GPC6: variants seen among roughly 807,000 people sequenced by gnomAD.
GPC6 encodes glypican-6.
GPC6 carries 14 observed loss-of-function variants against 55.2 expected under a neutral mutation model. The observed-to-expected ratio is 0.25, with a 90% CI of 0.17 to 0.40. GPC6 has a LOEUF of 0.40. GPC6 is among the 10% of genes least tolerant of loss of function. The pLI, the probability that GPC6 is intolerant of heterozygous loss-of-function variation, is 1.00. For missense variants in GPC6, 641 were observed against 708.5 expected (o/e 0.90, Z 1.08); for synonymous variants, 278 against 259.6 (o/e 1.07, Z -0.68).
chr13:94,062,624 G>A (rs944685571), intron 4 of GPC6, among the ~76,000 whole-genome samples: 1 of 152,022 alleles, frequency 6.6e-6, no homozygotes, highest in Admixed American at 6.6e-5. Flanking sequence ...TATTTAGCTT[G>A]ATTTTTAAAT....
At chr13:94,362,198 T>TA (rs1281824171) in intron 6 of GPC6, among the ~76,000 whole-genome samples, 3 of 152,168 alleles carry the variant, frequency 2.0e-5, no homozygotes, top group Non-Finnish European at 2.9e-5. Flanking sequence ...GAGTTTAACT[T>TA]AGAGTAAAAG....
chr13:94,233,059 G>C (rs1206490484), intron 4 of GPC6, among the ~76,000 whole-genome samples: 1 of 144,030 alleles, frequency 6.9e-6, no homozygotes, highest in Non-Finnish European at 1.5e-5. Context: ...AGGTCAGACT[G>C]GCTTAATTTG....
At chr13:94,303,349 T>C (rs1374651984) in intron 5 of GPC6, among the ~76,000 whole-genome samples, 1 of 152,202 alleles carries the variant, frequency 6.6e-6, no homozygotes, top group Non-Finnish European at 1.5e-5. Context: ...CTTTACTACC[T>C]GATCGGGTGT....
At position 93,355,533 on chromosome 13, in the gene GPC6, C is replaced by T. The variant is rs193165259; in HGVS notation, c.160+127917C>T. On this transcript the variant is annotated intron_variant, in intron 1 of 8. Coordinates refer to ENST00000377047, the MANE Select transcript of GPC6 (RefSeq NM_005708.5). ...TGTTTGCATCAAATGAGCAGATGAACTCCCATGGAGAGATCCACAATAGAA... is the reference window on the plus strand; with the variant it reads ...TGTTTGCATCAAATGAGCAGATGAATTCCCATGGAGAGATCCACAATAGAA... Among the ~76,000 whole-genome samples the T allele has an allele frequency of 5.3e-5, 8 of 152,252 alleles. No homozygotes were observed. The South Asian group carries it at 1.0e-3, about 20-fold the overall frequency.
intron 3 of GPC6, among the ~76,000 whole-genome samples, chr13:93,919,707 G>A (rs923343108): frequency 3.3e-5 from 5 of 152,128 alleles, no homozygotes; most frequent in South Asian, 2.1e-4. Context: ...AGCATAAACC[G>A]AAAATGCTGA....
rs115900495 is a variant in GPC6, at chr13:93,849,611, T to C, written c.711+19066T>C. 2.9e-3 allele frequency among the ~76,000 whole-genome samples: 444 copies of C among 152,258 alleles called. 5 individuals are homozygous for C. The highest frequency in any genetic ancestry group is 1.0e-2 in the African/African-American group (415 of 41,572). ...TCTATACTGTCCACCTATACATAGA[T>C]AAAGATATCTATACTGTTTCCATAG... On this transcript the variant is annotated intron_variant, in intron 3 of 8. Coordinates refer to ENST00000377047, the MANE Select transcript of GPC6 (RefSeq NM_005708.5).
intron 4 of GPC6, among the ~76,000 whole-genome samples, chr13:94,138,472 T>C (rs536023778): frequency 1.3e-5 from 2 of 152,332 alleles, no homozygotes; most frequent in South Asian, 4.1e-4. Flanking sequence ...TCTTATCATG[T>C]TCCAGGAAAG....
intron 8 of GPC6, among the ~76,000 whole-genome samples, chr13:94,401,664 G>GT (rs1260238323): frequency 6.6e-6 from 1 of 152,178 alleles, no homozygotes; most frequent in Non-Finnish European, 1.5e-5. Context: ...ATGTGAACGG[G>GT]TAGTTGGATT....
intron 1 of GPC6, among the ~76,000 whole-genome samples, chr13:93,311,460 A>G (rs1416628040): frequency 2.6e-5 from 4 of 152,242 alleles, no homozygotes; most frequent in South Asian, 2.1e-4. Context: ...GACATAGGAC[A>G]TTATGCCTCT....
rs546076271 is a variant in GPC6, at chr13:94,083,237, C to G, written c.877+55343C>G. Reference sequence around the variant, plus strand: ...TGGTACTTGCCATTCTCCTGCCTCACCCTCCTGAGTAGCTGGGACTACAGG... The same window carrying G: ...TGGTACTTGCCATTCTCCTGCCTCAGCCTCCTGAGTAGCTGGGACTACAGG... On this transcript the variant is annotated intron_variant, in intron 4 of 8. Transcript: ENST00000377047. 1.9e-3 allele frequency among the ~76,000 whole-genome samples: 289 copies of G among 152,102 alleles called. 1 individual carries two copies. The highest frequency in any genetic ancestry group is 5.9e-3 in the African/African-American group (244 of 41,494).
chr13:93,849,875 G>A (rs550525656), intron 3 of GPC6, among the ~76,000 whole-genome samples: 23 of 152,082 alleles, frequency 1.5e-4, no homozygotes, highest in African/African-American at 4.3e-4. Flanking sequence ...CATTTTTACC[G>A]TGAATTATTA....
chr13:93,895,619 A>G (rs1027784656), intron 3 of GPC6, among the ~76,000 whole-genome samples: 5 of 152,012 alleles, frequency 3.3e-5, no homozygotes, highest in African/African-American at 1.2e-4. Flanking sequence ...AATATTTTCC[A>G]GTGTTGTTTA....
chr13:93,391,809 T>C (rs876808), intron 1 of GPC6, among the ~76,000 whole-genome samples: 20,202 of 152,126 alleles, frequency 0.13, 2,036 homozygotes, highest in East Asian at 0.48. Context: ...CTACATTCAC[T>C]CTGGCAGATG....
At chr13:94,305,773 G>A (rs1222785129) in intron 5 of GPC6, among the ~76,000 whole-genome samples, 2 of 152,150 alleles carry the variant, frequency 1.3e-5, no homozygotes, top group East Asian at 1.9e-4. Flanking sequence ...CTATGAGTCA[G>A]GGATTATAGT....
chr13:94,225,082 T>A (rs894804578), intron 4 of GPC6, among the ~76,000 whole-genome samples: 27 of 152,198 alleles, frequency 1.8e-4, no homozygotes, highest in South Asian at 1.0e-3. Flanking sequence ...CAACTTTAAT[T>A]TTTCAGTCAG....
chr13:93,421,678 A>G (rs1246441560), intron 1 of GPC6, among the ~76,000 whole-genome samples: 1 of 152,186 alleles, frequency 6.6e-6, no homozygotes, highest in Non-Finnish European at 1.5e-5. Flanking sequence ...AGTTTGCACC[A>G]CTTAACATCC....
intron 1 of GPC6, among the ~76,000 whole-genome samples, chr13:93,530,056 A>G (rs1231247177): frequency 6.6e-6 from 1 of 152,182 alleles, no homozygotes; most frequent in African/African-American, 2.4e-5. Flanking sequence ...TAAACAAGAC[A>G]CAGTTCGTAA....
chr13:93,700,263 A>G (rs1407422841), intron 2 of GPC6, among the ~76,000 whole-genome samples: 2 of 152,070 alleles, frequency 1.3e-5, no homozygotes, highest in East Asian at 3.9e-4. Flanking sequence ...GCTCACTATG[A>G]CTGCATCACT....
At chr13:93,478,369 G>A (rs1391882359) in intron 1 of GPC6, among the ~76,000 whole-genome samples, 1 of 152,106 alleles carries the variant, frequency 6.6e-6, no homozygotes, top group Non-Finnish European at 1.5e-5. Flanking sequence ...TTACAAATTG[G>A]TCTGATACAG....
Sources: allele counts gnomAD v4.1 joint callset (sites outside exome capture counted in the v4.1 genomes callset), GRCh38; gene constraint gnomAD v4.1.1; transcripts MANE v1.5; gene names NCBI Gene and HGNC (gene_info 2026-07-23, HGNC 2026-07-21).